Variants in NSMCE2 observed in about 807,000 individuals in gnomAD.
NSMCE2 encodes the protein NSE2 SUMO ligase component of SMC5/6 complex.
NSMCE2 carries 24 observed loss-of-function variants against 23.8 expected under a neutral mutation model. The observed-to-expected ratio is 1.01, with a 90% CI of 0.73 to 1.42. NSMCE2 has a LOEUF of 1.42. NSMCE2 is among the 40% of genes most tolerant of loss of function. The pLI is 0.00. For synonymous variants in NSMCE2, 92 were observed against 94.1 expected (o/e 0.98, Z 0.13); for missense variants, 284 against 296.5 (o/e 0.96, Z 0.31).
rs536477596 is a variant in NSMCE2, at chr8:125,116,314, C to G, written c.157+13827C>G. 7.2e-5 allele frequency among the ~76,000 whole-genome samples: 11 copies of G among 152,340 alleles called. No individual in the cohort carries two copies. In the South Asian group the frequency reaches 2.3e-3, roughly 32 times the overall value. On this transcript the variant is annotated intron_variant, in intron 3 of 7. Coordinates refer to ENST00000287437, the MANE Select transcript of NSMCE2 (RefSeq NM_173685.4). ...GCAGTATGGCACACAGGCTCATACA[C>G]TGCTCACCACAGGTCCTTCAGTGCA...
intron 5 of NSMCE2, among the ~76,000 whole-genome samples, chr8:125,205,983 T>C (rs1563718674): frequency 6.6e-6 from 1 of 152,230 alleles, no homozygotes; most frequent in East Asian, 1.9e-4. Context: ...GTCCAAAATT[T>C]AAGTGTTTTA....
intron 5 of NSMCE2, among the ~76,000 whole-genome samples, chr8:125,236,478 A>G (rs1214720286): frequency 1.3e-5 from 2 of 152,086 alleles, no homozygotes; most frequent in Non-Finnish European, 2.9e-5. Context: ...TAATAAGTAT[A>G]TAAATTTATG....
At chr8:125,217,459 C>T (rs2130906295) in intron 5 of NSMCE2, among the ~76,000 whole-genome samples, 1 of 152,236 alleles carries the variant, frequency 6.6e-6, no homozygotes, top group Non-Finnish European at 1.5e-5. Flanking sequence ...CTCCCAGGTT[C>T]ATGCCATTCT....
At chr8:125,240,900 C>T (rs1206427247) in intron 5 of NSMCE2, among the ~76,000 whole-genome samples, 2 of 152,156 alleles carry the variant, frequency 1.3e-5, no homozygotes, top group African/African-American at 4.8e-5. Context: ...CCCCTGGTAT[C>T]TATTTATGGA....
intron 3 of NSMCE2, among the ~76,000 whole-genome samples, chr8:125,143,091 G>T (rs1035657123): frequency 6.8e-6 from 1 of 146,740 alleles, no homozygotes; most frequent in African/African-American, 2.6e-5. Flanking sequence ...CCCCAGTGTG[G>T]GTGCACGCAC....
chr8:125,365,038 G>A (rs536910517), intron 7 of NSMCE2, among the ~76,000 whole-genome samples: 189 of 152,278 alleles, frequency 1.2e-3, no homozygotes, highest in African/African-American at 4.2e-3. Context: ...AGACCACATC[G>A]AAGCAGAGCC....
At chr8:125,259,621 A>T (rs1216848025) in intron 5 of NSMCE2, among the ~76,000 whole-genome samples, 1 of 152,166 alleles carries the variant, frequency 6.6e-6, no homozygotes, top group Non-Finnish European at 1.5e-5. Flanking sequence ...TGCTTGAGTT[A>T]TCCCATAGAG....
chr8:125,206,037 ACAAT>A (rs1221495378), intron 5 of NSMCE2, among the ~76,000 whole-genome samples: 2 of 152,230 alleles, frequency 1.3e-5, no homozygotes, highest in African/African-American at 4.8e-5. Context: ...AACTTGGGAA[ACAAT>A]CAAGAGCTTT....
intron 5 of NSMCE2, among the ~76,000 whole-genome samples, chr8:125,285,870 G>A (rs1827872946): frequency 6.6e-6 from 1 of 151,952 alleles, no homozygotes; most frequent in Admixed American, 6.6e-5. Context: ...CTGAAGCTTG[G>A]TGAGGTTGAG....
At chr8:125,169,403 A>G (rs932708656) in intron 4 of NSMCE2, among the ~76,000 whole-genome samples, 2 of 152,048 alleles carry the variant, frequency 1.3e-5, no homozygotes, top group Non-Finnish European at 2.9e-5. Context: ...TTCTCTACTT[A>G]AATGTGCTAT....
chr8:125,279,777 A>G (rs755826686), intron 5 of NSMCE2, among the ~76,000 whole-genome samples: 4 of 152,142 alleles, frequency 2.6e-5, no homozygotes, highest in Non-Finnish European at 4.4e-5. Context: ...TCCTTAGTGG[A>G]TGGATTGCTT....
chr8:125,225,040 G>C (rs932795617), intron 5 of NSMCE2, among the ~76,000 whole-genome samples: 14 of 152,178 alleles, frequency 9.2e-5, no homozygotes, highest in Admixed American at 8.5e-4. Flanking sequence ...GCTAAAGTCT[G>C]TGTTTCTAAA....
At chr8:125,265,898 T>C (rs1339791762) in intron 5 of NSMCE2, among the ~76,000 whole-genome samples, 1 of 152,192 alleles carries the variant, frequency 6.6e-6, no homozygotes, top group Non-Finnish European at 1.5e-5. Context: ...CTGTACTTTT[T>C]TTTCCTGTAA....
chr8:125,102,613 A>G (rs2130362920), intron 3 of NSMCE2, 126 bp downstream of exon 3: 1 of 711,834 alleles, frequency 1.4e-6, no homozygotes, highest in Non-Finnish European at 2.4e-6. Context: ...CTGTTGTCTC[A>G]TTTTATTCTA....
intron 5 of NSMCE2, among the ~76,000 whole-genome samples, chr8:125,208,240 T>A (rs1316105162): frequency 6.6e-6 from 1 of 152,230 alleles, no homozygotes; most frequent in Non-Finnish European, 1.5e-5. Context: ...ATGAAAGACA[T>A]GTTTGTTTAT....
chr8:125,130,833 C>T (rs1343377284), intron 3 of NSMCE2, among the ~76,000 whole-genome samples: 1 of 152,120 alleles, frequency 6.6e-6, no homozygotes. Flanking sequence ...TTGTAATTTC[C>T]CTCACCAACA....
At chr8:125,200,366 C>G (rs1175523911) in intron 5 of NSMCE2, among the ~76,000 whole-genome samples, 4 of 152,120 alleles carry the variant, frequency 2.6e-5, no homozygotes, top group Non-Finnish European at 4.4e-5. Flanking sequence ...TAAGGCAGGC[C>G]TAGTGGTGAC....
intron 5 of NSMCE2, among the ~76,000 whole-genome samples, chr8:125,351,911 A>C (rs1813053040): frequency 6.6e-6 from 1 of 151,934 alleles, no homozygotes; most frequent in African/African-American, 2.4e-5. Context: ...TACTTGGGAG[A>C]CTGAGGCACG....
chr8:125,183,391 A>G (rs1024446807), intron 5 of NSMCE2, among the ~76,000 whole-genome samples: 2 of 149,004 alleles, frequency 1.3e-5, no homozygotes, highest in African/African-American at 5.1e-5. Flanking sequence ...TTTTCCCCAT[A>G]TTTTAAGTTT....
Sources: allele counts gnomAD v4.1 joint callset (sites outside exome capture counted in the v4.1 genomes callset), GRCh38; gene constraint gnomAD v4.1.1; transcripts MANE v1.5; gene names NCBI Gene and HGNC (gene_info 2026-07-23, HGNC 2026-07-21).